The following STAT2 variants were observed in gnomAD, a reference collection of about 807,000 sequenced individuals.
STAT2 encodes the protein interferon alpha induced transcriptional activator.
Under a neutral mutation model 122.3 loss-of-function variants are expected in STAT2, and 51 were observed. The observed-to-expected ratio is 0.42, with a 90% CI of 0.33 to 0.53. STAT2 has a LOEUF of 0.53. STAT2 is among the 20% of genes least tolerant of loss of function. STAT2 has a pLI of 0.10. For missense variants in STAT2, 736 were observed against 1,010.3 expected, an observed-to-expected ratio of 0.73 and a Z score of 3.68; for synonymous variants, 351 against 394.9, an observed-to-expected ratio of 0.89 and a Z score of 1.32.
At chr12:56,346,362 G>A in intron 21 of STAT2, 80 bp downstream of exon 21, 1 of 1,577,424 alleles carries the variant, frequency 6.3e-7, no homozygotes. Context: ...GTTTTCCCAT[G>A]CTTTAAAGGA....
chr12:56,345,346 C>CTGAGTGTGAT (rs1877221632), intron 22 of STAT2, among the ~76,000 whole-genome samples: 1 of 142,684 alleles, frequency 7.0e-6, no homozygotes, highest in Admixed American at 7.0e-5. Context: ...AAAAAATTAG[C>CTGAGTGTGAT]TGAGTGTGAT....
intron 2 of STAT2, 58 bp from the exon 3 acceptor site, chr12:56,356,343 C>A: frequency 6.2e-7 from 1 of 1,604,592 alleles, no homozygotes; most frequent in South Asian, 1.1e-5. Flanking sequence ...AGTCCTGAGG[C>A]TTTCCAACCC....
intron 1 of STAT2, among the ~76,000 whole-genome samples, chr12:56,359,164 G>A (rs1294385951): frequency 6.6e-6 from 1 of 152,148 alleles, no homozygotes; most frequent in Non-Finnish European, 1.5e-5. Context: ...ACCTCCAGCA[G>A]GAACAAGGGA....
chr12:56,344,825 T>C (rs1488735143), intron 22 of STAT2, among the ~76,000 whole-genome samples: 3 of 151,960 alleles, frequency 2.0e-5, no homozygotes, highest in Non-Finnish European at 2.9e-5. Flanking sequence ...GCCAATATGG[T>C]AAAACCCTGT....
chr12:56,355,819 A>C lies in STAT2; in HGVS notation c.286-16T>G, dbSNP rs1411033246. 6.2e-7 allele frequency: 1 copy of C among 1,610,028 alleles called. No individual in the cohort carries two copies. The highest frequency in any genetic ancestry group is 2.2e-5 in the East Asian group (1 of 44,848). ...GGGAAAAGGGCTAGAATAGGTAAACAGAAAGGATTGATCCAATTCAACCAC... is the reference window on the plus strand; with the variant it reads ...GGGAAAAGGGCTAGAATAGGTAAACCGAAAGGATTGATCCAATTCAACCAC... On this transcript the variant is annotated splice_polypyrimidine_tract_variant and intron_variant, in intron 3 of 23. Coordinates refer to ENST00000314128, the MANE Select transcript of STAT2 (RefSeq NM_005419.4).
At chr12:56,351,500 C>T in intron 8 of STAT2, 50 bp from the exon 9 acceptor site, 2 of 1,578,766 alleles carry the variant, frequency 1.3e-6, no homozygotes, top group Non-Finnish European at 8.6e-7. Context: ...CCTGGATTCC[C>T]CCATCCAGGT....
chr12:56,350,012 G>T, intron 13 of STAT2, 85 bp downstream of exon 13: 1 of 1,235,362 alleles, frequency 8.1e-7, no homozygotes, highest in Non-Finnish European at 1.2e-6. Context: ...TGGCACCACT[G>T]CACTCCAGCC....
chr12:56,355,845 T>G, intron 3 of STAT2, 42 bp from the exon 4 acceptor site: 1 of 1,580,316 alleles, frequency 6.3e-7, no homozygotes, highest in South Asian at 1.1e-5. Flanking sequence ...ATTCAACCAC[T>G]CTCAATGACC....
chr12:56,356,849 A>G (rs1879577888), intron 1 of STAT2, among the ~76,000 whole-genome samples: 1 of 151,684 alleles, frequency 6.6e-6, no homozygotes, highest in African/African-American at 2.4e-5. Flanking sequence ...TGGATTTCAG[A>G]TTTGTCCAGA....
rs1018360140 is a variant in STAT2 at position 56,354,981 on chromosome 12, C to G, written c.548-118G>C. ...AGGAAGAAAGGGAAACCAAGCAAAG[C>G]ACAGGCACCTGTGGGACCCTCAGGC... is the stretch of plus-strand genomic sequence containing the variant. On this transcript the variant is annotated intron_variant, in intron 6 of 23. Coordinates refer to ENST00000314128, the MANE Select transcript of STAT2 (RefSeq NM_005419.4). 6.3e-6 allele frequency: 7 copies of G among 1,106,290 alleles called. No individual in the cohort carries two copies. In the African/African-American group the frequency reaches 1.1e-4, roughly 17 times the overall value. The allele number at this position is 1,106,290 out of a possible 1,614,324, so 68.5% of individuals were successfully genotyped here.
chr12:56,354,887 G>A, intron 6 of STAT2, 24 bp from the exon 7 acceptor site: 1 of 1,608,868 alleles, frequency 6.2e-7, no homozygotes, highest in Non-Finnish European at 8.5e-7. Flanking sequence ...ACAGGAGTCA[G>A]TCCAGGGGTT....
At position 56,346,574 on chromosome 12, in the gene STAT2, A is replaced by G. The variant is rs1280095034; in HGVS notation, c.1912T>C (p.Ser638Pro). The G allele has an allele frequency of 1.2e-6, 2 of 1,614,034 alleles. No individual in the cohort carries two copies. The highest frequency in any genetic ancestry group is 1.7e-6 in the Non-Finnish European group (2 of 1,180,032). Reference protein sequence around the residue: ...VQPYTKEVLQSLPLTEIIRHY... With the variant: ...VQPYTKEVLQPLPLTEIIRHY... ...CGGATGATTTCAGTCAGCGGGAGTG[A>G]CTGCAGCACCTCCTTCGTGTACGGT... Residue 638 changes from serine (S) to proline (P), a missense_variant, in exon 21 of 24, where the codon TCA becomes CCA. Transcript: ENST00000314128.
intron 8 of STAT2, among the ~76,000 whole-genome samples, chr12:56,353,995 CAAAAAA>C (rs1187550270): frequency 3.1e-3 from 39 of 12,756 alleles, no homozygotes; most frequent in African/African-American, 4.7e-3. Context: ...GACTCCGTCT[CAAAAAA>C]AAAAAAAAAA....
chr12:56,351,516 G>A, intron 8 of STAT2, 66 bp from the exon 9 acceptor site: 1 of 1,547,488 alleles, frequency 6.5e-7, no homozygotes, highest in South Asian at 1.2e-5. Flanking sequence ...CAGGTTCCAA[G>A]ATCTCTCTGT....
rs1241273386 is a variant in STAT2, at chr12:56,346,825, C to G, written c.1855G>C (p.Asp619His). 5 of 1,614,092 alleles carry G rather than the reference C, an allele frequency of 3.1e-6. No homozygotes were observed. The change falls in exon 20 of 24, where the codon GAT (aspartate) becomes CAT (histidine). Residue 619 changes from aspartate (D) to histidine (H), a missense_variant. Transcript: ENST00000314128. The stretch of plus-strand genomic sequence containing the variant: ...GCAGGGCAGAGCAGCTGACCATCAT[C>G]CTGGTGCTCCACCCAGGAGCAGGTA... ...GITCSWVEHQDDDKVLIYSVQ... is the reference protein window; with the variant it reads ...GITCSWVEHQHDDKVLIYSVQ...
chr12:56,353,995 C>CAAAAAAAA (rs1187550270), intron 8 of STAT2, among the ~76,000 whole-genome samples: 459 of 12,730 alleles, frequency 0.036, 99 homozygotes, highest in African/African-American at 0.14. Flanking sequence ...GACTCCGTCT[C>CAAAAAAAA]AAAAAAAAAA....
At chr12:56,352,985 C>G (rs898271944) in intron 8 of STAT2, among the ~76,000 whole-genome samples, 3 of 142,018 alleles carry the variant, frequency 2.1e-5, no homozygotes, top group African/African-American at 7.7e-5. Flanking sequence ...CATGCCTAAT[C>G]TTTTTTTTTT....
chr12:56,343,753 T>C, intron 23 of STAT2, 72 bp downstream of exon 23: 1 of 1,579,606 alleles, frequency 6.3e-7, no homozygotes, highest in South Asian at 1.2e-5. Context: ...CAGCTTTTTC[T>C]GTAATGGGAG....
Position 56,355,710 on chromosome 12 carries a change from A to T in STAT2, c.379T>A (p.Leu127Met). The T allele has an allele frequency of 7.4e-6, 12 of 1,613,954 alleles. No homozygotes were observed. Among genetic ancestry groups the T allele is most frequent in the Non-Finnish European group, 9.3e-6 (11 of 1,179,906 alleles). Residue 127 changes from leucine (L) to methionine (M), a missense_variant and splice_region_variant, in exon 4 of 24, where the codon TTG becomes ATG. Coordinates refer to ENST00000314128, the MANE Select transcript of STAT2 (RefSeq NM_005419.4). Reference sequence around the variant, plus strand: ...CATTACCACTGAATTGTCCTCACCAATTGGGCCCTCTGAGCCTGGATCAAA... The same window carrying T: ...CATTACCACTGAATTGTCCTCACCATTTGGGCCCTCTGAGCCTGGATCAAA... ...RILIQAQRAQ[L>M]EQGEPVLETP...
Sources: allele counts gnomAD v4.1 joint callset (sites outside exome capture counted in the v4.1 genomes callset), GRCh38; gene constraint gnomAD v4.1.1; transcripts MANE v1.5; gene names NCBI Gene and HGNC (gene_info 2026-07-23, HGNC 2026-07-21).